The following AGBL4 variants were observed in gnomAD, a reference collection of about 807,000 sequenced individuals.
AGBL4 encodes cytosolic carboxypeptidase 6.
AGBL4 carries 58 observed loss-of-function variants against 66.4 expected under a neutral mutation model. The observed-to-expected ratio is 0.87, with a 90% CI of 0.71 to 1.09. AGBL4 has a LOEUF of 1.09. Among genes scored for constraint, AGBL4 ranks in the 50% least tolerant of loss-of-function variants. AGBL4 has a pLI of 0.00. For missense variants in AGBL4, 579 were observed against 631.0 expected (o/e 0.92, Z 0.88); for synonymous variants, 234 against 222.9 (o/e 1.05, Z -0.44).
intron 3 of AGBL4, among the ~76,000 whole-genome samples, chr1:49,350,296 C>G (rs1570494918): frequency 6.7e-6 from 1 of 150,100 alleles, no homozygotes; most frequent in Admixed American, 6.6e-5. Flanking sequence ...CTCCGCCTCC[C>G]GGGTTCACGC....
chr1:48,670,865 T>C (rs1380654372), intron 6 of AGBL4, among the ~76,000 whole-genome samples: 1 of 152,214 alleles, frequency 6.6e-6, no homozygotes, highest in Non-Finnish European at 1.5e-5. Context: ...GAGATTCCCA[T>C]ACAGGAGCTT....
chr1:49,389,936 G>A (rs189484829), intron 3 of AGBL4, among the ~76,000 whole-genome samples: 368 of 152,192 alleles, frequency 2.4e-3, no homozygotes, highest in Non-Finnish European at 4.2e-3. Context: ...TCAAGCACAG[G>A]CAGTAGACTA....
At chr1:48,526,107 C>T in the AGBL4 span, among the ~76,000 whole-genome samples, 3 of 152,238 alleles carry the variant, frequency 2.0e-5, no homozygotes, top group East Asian at 3.9e-4. Flanking sequence ...CAAAGGAGAC[C>T]GCCTAAAGCA....
intron 3 of AGBL4, among the ~76,000 whole-genome samples, chr1:49,460,492 G>A (rs936865691): frequency 6.6e-6 from 1 of 151,568 alleles, no homozygotes; most frequent in Non-Finnish European, 1.5e-5. Context: ...CATGTGTTAG[G>A]TGAGTCTCGT....
At chr1:49,126,626 G>A (rs1388835661) in intron 4 of AGBL4, among the ~76,000 whole-genome samples, 1 of 152,140 alleles carries the variant, frequency 6.6e-6, no homozygotes, top group Non-Finnish European at 1.5e-5. Context: ...GATAGTAAGT[G>A]ATATAATCAA....
At chr1:49,479,764 C>A (rs1646918273) in intron 3 of AGBL4, among the ~76,000 whole-genome samples, 1 of 147,230 alleles carries the variant, frequency 6.8e-6, no homozygotes, top group Non-Finnish European at 1.5e-5. Flanking sequence ...TGCAGAGGTG[C>A]GATCTCAGCT....
At chr1:48,584,921 C>T (rs1644795879) in intron 11 of AGBL4, 1 of 152,114 alleles carries the variant, frequency 6.6e-6, no homozygotes, top group African/African-American at 2.4e-5. Context: ...TGAAAATGTC[C>T]CAGAGCCTTC....
At chr1:48,531,210 TC>T (rs1430965949), downstream of AGBL4, among the ~76,000 whole-genome samples, 12 of 82,444 alleles carry the variant, frequency 1.5e-4, no homozygotes, top group South Asian at 1.2e-3. Context: ...TTTTTTTTTC[TC>T]TCTCTCTCTC....
intron 3 of AGBL4, among the ~76,000 whole-genome samples, chr1:49,590,793 A>G (rs1317420235): frequency 6.6e-6 from 1 of 152,084 alleles, no homozygotes; most frequent in African/African-American, 2.4e-5. Flanking sequence ...AGTGAAATTT[A>G]ACTCTTAGAA....
chr1:48,986,123 AG>A (rs1376153227), intron 5 of AGBL4, among the ~76,000 whole-genome samples: 2 of 152,098 alleles, frequency 1.3e-5, no homozygotes, highest in African/African-American at 4.8e-5. Flanking sequence ...AAACACAGAA[AG>A]GAAAAAAGAC....
chr1:48,747,815 C>T (rs890274861), intron 6 of AGBL4, among the ~76,000 whole-genome samples: 4 of 152,142 alleles, frequency 2.6e-5, no homozygotes, highest in South Asian at 2.1e-4. Flanking sequence ...GTGTGACTTC[C>T]GGGTTTAGAA....
At chr1:49,613,297 G>T (rs1026325811) in intron 3 of AGBL4, among the ~76,000 whole-genome samples, 1 of 151,858 alleles carries the variant, frequency 6.6e-6, no homozygotes, top group African/African-American at 2.4e-5. Flanking sequence ...AGTACCAGGT[G>T]ACAGGATCAT....
At chr1:49,088,631 A>G (rs1216893642) in intron 4 of AGBL4, among the ~76,000 whole-genome samples, 1 of 152,196 alleles carries the variant, frequency 6.6e-6, no homozygotes, top group Non-Finnish European at 1.5e-5. Flanking sequence ...AAAGAGACTT[A>G]GCTAATCATA....
intron 3 of AGBL4, among the ~76,000 whole-genome samples, chr1:49,614,820 T>C (rs1645221479): frequency 6.6e-6 from 1 of 152,178 alleles, no homozygotes; most frequent in East Asian, 1.9e-4. Context: ...ACCTCTTTTA[T>C]GTAACTGTTT....
chr1:50,011,574 C>A (rs1661536786), intron 1 of AGBL4, among the ~76,000 whole-genome samples: 1 of 152,200 alleles, frequency 6.6e-6, no homozygotes. Flanking sequence ...GAGGAAATAT[C>A]TGCACTCCAA....
At chr1:49,089,790 A>T (rs1644971174) in intron 4 of AGBL4, among the ~76,000 whole-genome samples, 1 of 152,038 alleles carries the variant, frequency 6.6e-6, no homozygotes, top group Non-Finnish European at 1.5e-5. Flanking sequence ...AGAGACACAC[A>T]CACACAAAAT....
intron 3 of AGBL4, among the ~76,000 whole-genome samples, chr1:49,287,412 C>G (rs1377761070): frequency 6.7e-6 from 1 of 149,030 alleles, no homozygotes; most frequent in Non-Finnish European, 1.5e-5. Flanking sequence ...AAACTACCAT[C>G]AGAGTGAACA....
At chr1:48,731,645 C>G (rs1346996541) in intron 6 of AGBL4, among the ~76,000 whole-genome samples, 1 of 152,170 alleles carries the variant, frequency 6.6e-6, no homozygotes, top group South Asian at 2.1e-4. Context: ...GTAGTGGGAC[C>G]TGTGTTCCAG....
intron 8 of AGBL4, among the ~76,000 whole-genome samples, chr1:48,639,783 T>C (rs1284562412): frequency 6.6e-6 from 1 of 152,130 alleles, no homozygotes; most frequent in Non-Finnish European, 1.5e-5. Flanking sequence ...TGTGCAAAGT[T>C]AGGGAAGCAA....
Sources: gnomAD v4.1 joint callset for allele counts (sites outside exome capture counted in the v4.1 genomes callset) on GRCh38, gnomAD v4.1.1 for gene constraint, MANE v1.5 for transcripts, NCBI Gene and HGNC (gene_info 2026-07-23, HGNC 2026-07-21) for gene names.